Variants in FREM2 observed in about 807,000 individuals in gnomAD.
FREM2 encodes the protein FRAS1 related extracellular matrix 2.
FREM2 carries 119 observed loss-of-function variants against 219.9 expected under a neutral mutation model. That is an observed-to-expected ratio of 0.54 (90% confidence interval 0.47 to 0.63). The LOEUF is 0.63. Ranked by LOEUF, FREM2 falls within the 30% of genes least tolerant of loss-of-function variation. The pLI, the probability that FREM2 is intolerant of heterozygous loss-of-function variation, is 0.00. For synonymous variants in FREM2, 1,562 were observed against 1,522.8 expected, an observed-to-expected ratio of 1.03 and a Z score of -0.60; for missense variants, 4,030 against 3,993.6, an observed-to-expected ratio of 1.01 and a Z score of -0.25.
chr13:38,715,572 T>C (rs2138100613), intron 2 of FREM2, among the ~76,000 whole-genome samples: 1 of 151,792 alleles, frequency 6.6e-6, no homozygotes, highest in Admixed American at 6.6e-5. Flanking sequence ...ATTTTTAATC[T>C]ACCCAACAAT....
chr13:38,820,745 C>T (rs1008255169), intron 6 of FREM2, among the ~76,000 whole-genome samples: 1 of 152,058 alleles, frequency 6.6e-6, no homozygotes, highest in African/African-American at 2.4e-5. Context: ...CCAAACATGG[C>T]AACTTGGCTG....
rs780285892 is a variant in FREM2 at position 38,856,298 on chromosome 13, T to G, written c.7056+42T>G. 4.4e-6 allele frequency: 7 copies of G among 1,589,130 alleles called. No homozygotes were observed. The South Asian group carries it at 7.8e-5, about 18-fold the overall frequency. ...GTATGTAAATTCATGGCTAGCAGTTTGTCAGAGGAAATGCATAAAAGCAAT... is the reference window on the plus strand; with the variant it reads ...GTATGTAAATTCATGGCTAGCAGTTGGTCAGAGGAAATGCATAAAAGCAAT... On this transcript the variant is annotated intron_variant, in intron 12 of 23. Coordinates refer to ENST00000280481, the MANE Select transcript of FREM2 (RefSeq NM_207361.6).
chr13:38,747,478 T>C (rs1168970229), intron 2 of FREM2, among the ~76,000 whole-genome samples: 1 of 143,432 alleles, frequency 7.0e-6, no homozygotes, highest in Non-Finnish European at 1.5e-5. Flanking sequence ...TGTGTATATG[T>C]ATAATATATA....
At chr13:38,770,291 C>T (rs958972046) in intron 4 of FREM2, among the ~76,000 whole-genome samples, 43 of 151,360 alleles carry the variant, frequency 2.8e-4, no homozygotes, top group African/African-American at 9.4e-4. Flanking sequence ...CTTCTGGCCT[C>T]GAGCTATCCT....
intron 2 of FREM2, among the ~76,000 whole-genome samples, chr13:38,751,100 G>A (rs1872736314): frequency 6.6e-6 from 1 of 151,824 alleles, no homozygotes. Context: ...ACGCTACAGT[G>A]AACATGGGAA....
chr13:38,874,977 G>A (rs1464936229), intron 18 of FREM2, among the ~76,000 whole-genome samples: 1 of 152,128 alleles, frequency 6.6e-6, no homozygotes, highest in Admixed American at 6.5e-5. Flanking sequence ...GCTAGGTACT[G>A]TGAGAAACCC....
chr13:38,725,388 G>A (rs1436882601), intron 2 of FREM2, among the ~76,000 whole-genome samples: 1 of 152,170 alleles, frequency 6.6e-6, no homozygotes, highest in Non-Finnish European at 1.5e-5. Context: ...AAACAAACAA[G>A]TGGGTAGCTA....
In FREM2 at chr13:38,876,731, C is replaced by A. The variant is rs566689392; in HGVS notation, c.8544+349C>A. Among the ~76,000 whole-genome samples the A allele has an allele frequency of 2.0e-5, 3 of 152,262 alleles. No homozygotes were observed. The South Asian group carries it at 6.2e-4, about 32-fold the overall frequency. On this transcript the variant is annotated intron_variant, in intron 20 of 23. Coordinates refer to ENST00000280481, the MANE Select transcript of FREM2 (RefSeq NM_207361.6). ...TGTTCTTCTCTAAAGAGAATGAAAT[C>A]CTGTAGCTCAAACCACCTCAAAGTA...
intron 10 of FREM2, among the ~76,000 whole-genome samples, chr13:38,851,366 C>T (rs1346357866): frequency 1.3e-5 from 2 of 152,196 alleles, no homozygotes; most frequent in Non-Finnish European, 2.9e-5. Context: ...CTACTCTATA[C>T]ACACCCTTGG....
chr13:38,769,920 G>A (rs76272662), intron 4 of FREM2, 112 bp downstream of exon 4: 43,529 of 802,182 alleles, frequency 0.054, 1,579 homozygotes, highest in East Asian at 0.18. Context: ...TTTCCATAGA[G>A]AGAACCTTCT....
chr13:38,773,750 T>A (rs2137819505), intron 4 of FREM2, among the ~76,000 whole-genome samples: 1 of 152,054 alleles, frequency 6.6e-6, no homozygotes, highest in South Asian at 2.1e-4. Flanking sequence ...AACATGCGCA[T>A]AGAAAGTTCC....
At chr13:38,798,265 A>G (rs1253915898) in intron 6 of FREM2, among the ~76,000 whole-genome samples, 1 of 151,970 alleles carries the variant, frequency 6.6e-6, no homozygotes, top group Non-Finnish European at 1.5e-5. Context: ...TGTTGATGTG[A>G]TGTATCATGA....
chr13:38,755,134 C>T (rs994104190), intron 2 of FREM2, among the ~76,000 whole-genome samples: 5 of 151,994 alleles, frequency 3.3e-5, no homozygotes, highest in African/African-American at 4.8e-5. Flanking sequence ...AACTCCTGAC[C>T]TTGTGATCTG....
Position 38,779,330 on chromosome 13 carries a change from C to T in FREM2, c.5642-3740C>T, listed in dbSNP as rs1874016109. 2.0e-5 allele frequency: 3 copies of T among 151,894 alleles called. No homozygotes were observed. The South Asian group carries it at 6.2e-4, about 32-fold the overall frequency. 9.4% of individuals were successfully genotyped at this position (151,894 alleles called of 1,614,324 possible). On this transcript the variant is annotated intron_variant, in intron 4 of 23. Coordinates refer to ENST00000280481, the MANE Select transcript of FREM2 (RefSeq NM_207361.6). Reference sequence around the variant, plus strand: ...TGATAGGTGCAGCAAACCACCATCGCCCATGTATACCTATGTAACAAACCT... The same window carrying T: ...TGATAGGTGCAGCAAACCACCATCGTCCATGTATACCTATGTAACAAACCT...
intron 15 of FREM2, 84 bp downstream of exon 15, chr13:38,861,646 C>A: frequency 1.4e-6 from 2 of 1,468,102 alleles, no homozygotes; most frequent in Middle Eastern, 1.8e-4. Context: ...TCTAAATAAC[C>A]AAGCTTAAAT....
rs893782602 is a variant in FREM2, at chr13:38,880,946, T to C, written c.*159T>C. On this transcript the variant is annotated 3_prime_UTR_variant, in exon 24 of 24. Transcript: ENST00000280481. Reference sequence around the variant, plus strand: ...AATGGAGTTTGATTTGAATTCTCCATACTCTTTTTTGCATCAAAGGACAAA... The same window carrying C: ...AATGGAGTTTGATTTGAATTCTCCACACTCTTTTTTGCATCAAAGGACAAA... 2.2e-6 allele frequency: 2 copies of C among 915,234 alleles called. No homozygotes were observed. The highest frequency in any genetic ancestry group is 2.1e-5 in the Admixed American group (1 of 47,686). 56.7% of individuals were successfully genotyped at this position (915,234 alleles called of 1,614,324 possible).
chr13:38,860,404 A>G (rs1448946663), intron 14 of FREM2, among the ~76,000 whole-genome samples: 2 of 152,184 alleles, frequency 1.3e-5, no homozygotes, highest in African/African-American at 2.4e-5. Flanking sequence ...ATTTTTAATG[A>G]GATTTTTCTT....
At chr13:38,732,142 C>T (rs1364958151) in intron 2 of FREM2, among the ~76,000 whole-genome samples, 1 of 152,180 alleles carries the variant, frequency 6.6e-6, no homozygotes, top group Non-Finnish European at 1.5e-5. Flanking sequence ...AATGTCTAAG[C>T]TTCATTAAAA....
At chr13:38,774,013 A>T (rs1251864933) in intron 4 of FREM2, among the ~76,000 whole-genome samples, 1 of 150,944 alleles carries the variant, frequency 6.6e-6, no homozygotes, top group Non-Finnish European at 1.5e-5. Flanking sequence ...TATATATTCA[A>T]ATATATATAT....
Sources: gnomAD v4.1 joint callset for allele counts (sites outside exome capture counted in the v4.1 genomes callset) on GRCh38, gnomAD v4.1.1 for gene constraint, MANE v1.5 for transcripts, NCBI Gene and HGNC (gene_info 2026-07-23, HGNC 2026-07-21) for gene names.